Variants in DGKA observed in about 807,000 individuals in gnomAD.
DGKA encodes 80 kDa diacylglycerol kinase.
Under a neutral mutation model 105.0 loss-of-function variants are expected in DGKA, and 35 were observed. That is an observed-to-expected ratio of 0.33 (90% CI 0.25 to 0.44). DGKA has a LOEUF of 0.44. Ranked by LOEUF, DGKA falls within the 20% of genes least tolerant of loss-of-function variation. The pLI is 1.00. For missense variants in DGKA, 665 were observed against 915.0 expected (o/e 0.73, Z 3.53); for synonymous variants, 296 against 332.0 (o/e 0.89, Z 1.18).
chr12:55,934,298 G>A (rs1884231782), intron 1 of DGKA, among the ~76,000 whole-genome samples: 1 of 152,168 alleles, frequency 6.6e-6, no homozygotes, highest in Non-Finnish European at 1.5e-5. Flanking sequence ...GGGGTAATCA[G>A]AGAGGCTAAT....
At chr12:55,935,822 T>C in intron 1 of DGKA, 1 of 956,790 alleles carries the variant, frequency 1.0e-6, no homozygotes. Flanking sequence ...CAGAGCTGGT[T>C]CTGTGTCGCG....
intron 15 of DGKA, 62 bp from the exon 16 acceptor site, chr12:55,941,936 C>T (rs1886098217): frequency 1.9e-6 from 3 of 1,559,636 alleles, no homozygotes; most frequent in Admixed American, 1.7e-5. Context: ...TCTGCCTGCT[C>T]AGGACTTGGG....
chr12:55,936,084 AC>A (rs941422471), intron 1 of DGKA: 1 of 936,564 alleles, frequency 1.1e-6, no homozygotes, highest in Non-Finnish European at 1.3e-6. Flanking sequence ...CAGACAAGGG[AC>A]ACACCCACAG....
chr12:55,936,323 A>G (rs528556388), intron 1 of DGKA, 100 bp from the exon 2 acceptor site: 15 of 1,345,954 alleles, frequency 1.1e-5, no homozygotes, highest in African/African-American at 1.5e-5. Flanking sequence ...AGGAAAGAAC[A>G]AAAAATAATA....
chr12:55,936,925 T>C (rs538020677), intron 2 of DGKA, 92 bp from the exon 3 acceptor site: 345 of 1,147,200 alleles, frequency 3.0e-4, no homozygotes, highest in Middle Eastern at 1.2e-3. Context: ...AATTTCTTCA[T>C]CTCATTTGAA....
chr12:55,948,226 C>A (rs1195149235), intron 17 of DGKA, among the ~76,000 whole-genome samples: 5 of 149,232 alleles, frequency 3.4e-5, no homozygotes, highest in Admixed American at 2.7e-4. Flanking sequence ...ATGGTGAAAC[C>A]CCGTCTCTAC....
intron 17 of DGKA, among the ~76,000 whole-genome samples, chr12:55,945,041 C>T (rs1886737409): frequency 6.6e-6 from 1 of 152,138 alleles, no homozygotes; most frequent in Non-Finnish European, 1.5e-5. Flanking sequence ...CTCAGGTGAT[C>T]CGCCCACCTC....
chr12:55,953,615 C>T (rs1276217357), intron 23 of DGKA, 70 bp from the exon 24 acceptor site: 2 of 1,517,826 alleles, frequency 1.3e-6, no homozygotes, highest in Non-Finnish European at 1.8e-6. Context: ...ACAGATTTCC[C>T]TCTAAATCTC....
intron 9 of DGKA, 86 bp downstream of exon 9, chr12:55,939,615 AG>A: frequency 1.5e-6 from 2 of 1,353,374 alleles, no homozygotes; most frequent in Non-Finnish European, 2.1e-6. Context: ...GAAAAGACCT[AG>A]GTTTGAATCC....
At chr12:55,938,247 T>C in intron 5 of DGKA, 195 bp downstream of exon 5, 1 of 665,150 alleles carries the variant, frequency 1.5e-6, no homozygotes, top group Non-Finnish European at 2.6e-6. Context: ...GTCACCCCAG[T>C]ACCCATGTCT....
intron 23 of DGKA, 85 bp from the exon 24 acceptor site, chr12:55,953,600 A>G: frequency 6.8e-7 from 1 of 1,475,198 alleles, no homozygotes; most frequent in East Asian, 2.3e-5. Context: ...CCCACCCCAA[A>G]CCCCACAGAT....
chr12:55,940,345 G>A lies in DGKA; in HGVS notation c.830G>A (p.Cys277Tyr), dbSNP rs778799352. The change falls in exon 11 of 24, where the codon TGT (cysteine) becomes TAT (tyrosine). Residue 277 changes from cysteine to tyrosine, a missense_variant. Coordinates refer to ENST00000331886, the MANE Select transcript of DGKA (RefSeq NM_001345.5). This position sits in a 1 kb window ranked among gnomAD's most constrained non-coding sequence, Gnocchi z 4.3. ...TCACATGTGTGGGTGCGAGGAGGCT[G>A]TGAGTCCGGGCGCTGCGACCGCTGT... ...VQSHVWVRGGCESGRCDRCQK... is the reference protein window; with the variant it reads ...VQSHVWVRGGYESGRCDRCQK... The A allele has an allele frequency of 4.3e-6, 7 of 1,614,264 alleles. No individual in the cohort carries two copies. Among genetic ancestry groups the A allele is most frequent in the Non-Finnish European group, 5.9e-6 (7 of 1,180,042 alleles).
At chr12:55,939,343 C>G in intron 8 of DGKA, 38 bp downstream of exon 8, 1 of 1,613,246 alleles carries the variant, frequency 6.2e-7, no homozygotes, top group Non-Finnish European at 8.5e-7. Context: ...GTAAGACAGC[C>G]TTGGGTTATG....
At chr12:55,936,645 C>A in intron 2 of DGKA, 78 bp downstream of exon 2, 1 of 1,586,248 alleles carries the variant, frequency 6.3e-7, no homozygotes, top group Non-Finnish European at 8.6e-7. Flanking sequence ...ACACCCCCTG[C>A]CCCCCAGCTT....
rs1883766840 is a variant in DGKA, at chr12:55,932,402, G to C, written c.-82+1058G>C. On this transcript the variant is annotated intron_variant, in intron 1 of 23. Transcript: ENST00000331886. The surrounding 1 kb of genome is among the most constrained non-coding windows in gnomAD (Gnocchi z 4.3). ...AGCCCGGTTCCTGGGACCCGACTCG[G>C]AGGGAAGTCCTCTTCGGAACCTCCA... 1.1e-5 allele frequency: 7 copies of C among 611,580 alleles called. No homozygotes were observed. The Admixed American group carries it at 1.8e-4, about 16-fold the overall frequency. The allele number at this position is 611,580 out of a possible 1,614,324, so 37.9% of individuals were successfully genotyped here. A position where few individuals can be genotyped will look rare whatever the true frequency, so the allele number is the denominator to read the frequency against.
intron 17 of DGKA, 138 bp from the exon 18 acceptor site, chr12:55,951,485 C>G: frequency 1.2e-6 from 1 of 838,264 alleles, no homozygotes. Flanking sequence ...ACCATGCACC[C>G]TGCCCTGTCA....
intron 17 of DGKA, among the ~76,000 whole-genome samples, chr12:55,948,274 C>T (rs1049418241): frequency 1.4e-4 from 21 of 151,808 alleles, no homozygotes; most frequent in Non-Finnish European, 2.2e-4. Flanking sequence ...GTGGCAGGCA[C>T]CTGTAATCCC....
chr12:55,935,988 C>T (rs1592671051), intron 1 of DGKA: 9 of 989,272 alleles, frequency 9.1e-6, no homozygotes, highest in African/African-American at 1.7e-5. Context: ...CCGGAACTGC[C>T]GGAACTGCCG....
In DGKA at chr12:55,932,451, G is replaced by C. The variant is rs1883785817; in HGVS notation, c.-82+1107G>C. ...CACAGTGCCGCACGGGTGGAGAAGG[G>C]TTCTTGTTTGGCCTCCAGGTCCCCA... is the stretch of plus-strand genomic sequence containing the variant. On this transcript the variant is annotated intron_variant, in intron 1 of 23. Transcript: ENST00000331886. This position sits in a 1 kb window ranked among gnomAD's most constrained non-coding sequence, Gnocchi z 4.3. 1 of 688,318 alleles carries C rather than the reference G, an allele frequency of 1.5e-6. No homozygotes were observed. The highest frequency in any genetic ancestry group is 2.0e-5 in the Admixed American group (1 of 49,396). The allele number at this position is 688,318 out of a possible 1,614,324, so 42.6% of individuals were successfully genotyped here. A position where few individuals can be genotyped will look rare whatever the true frequency, so the allele number is the denominator to read the frequency against.
Sources: allele counts gnomAD v4.1 joint callset (sites outside exome capture counted in the v4.1 genomes callset), GRCh38; gene constraint gnomAD v4.1.1; non-coding constraint Gnocchi (gnomAD v3.1); transcripts MANE v1.5; gene names NCBI Gene and HGNC (gene_info 2026-07-23, HGNC 2026-07-21).